AKIRIN2: variants seen among roughly 807,000 people sequenced by gnomAD.
The protein encoded by AKIRIN2 is akirin 2, also known as akirin-2.
In AKIRIN2, 6 loss-of-function variants were observed where a neutral mutation model predicts 29.3. The observed-to-expected ratio is 0.20, with a 90% CI of 0.11 to 0.40. The LOEUF (loss-of-function observed/expected upper bound fraction) is 0.40, where lower values mean the gene tolerates loss of function less well. AKIRIN2 is among the 10% of genes least tolerant of loss of function. The probability of loss-of-function intolerance (pLI) is 1.00; values close to 1 mark genes in which losing one functional copy is unlikely to be tolerated. For missense variants in AKIRIN2, 210 were observed against 276.1 expected (o/e 0.76, Z 1.70); for synonymous variants, 128 against 117.5 (o/e 1.09, Z -0.58).
rs185954784 is a variant in AKIRIN2, at chr6:87,675,315, T to G, written c.*282A>C. 2,363 of 484,168 alleles carry G rather than the reference T, an allele frequency of 4.9e-3. 6 individuals carry two copies. Among genetic ancestry groups the G allele is most frequent in the Non-Finnish European group, 6.9e-3 (1,875 of 270,366 alleles). 30.0% of individuals were successfully genotyped at this position (484,168 alleles called of 1,614,324 possible). A position where few individuals can be genotyped will look rare whatever the true frequency, so the allele number is the denominator to read the frequency against. ...AGGGCATGTTCTAGAATACCAGCTT[T>G]AATCCTTTTCAAACATTAATATAAG... is the stretch of plus-strand genomic sequence containing the variant. On this transcript the variant is annotated 3_prime_UTR_variant, in exon 5 of 5. Transcript: ENST00000257787.
At chr6:87,677,230 T>A (rs1771029727) in intron 3 of AKIRIN2, among the ~76,000 whole-genome samples, 1 of 152,162 alleles carries the variant, frequency 6.6e-6, no homozygotes, top group Non-Finnish European at 1.5e-5. Flanking sequence ...TAAAACCTGA[T>A]CAAGTATCAC....
chr6:87,692,080 G>T (rs1263265046), intron 1 of AKIRIN2, among the ~76,000 whole-genome samples: 1 of 152,194 alleles, frequency 6.6e-6, no homozygotes. Flanking sequence ...TATATACAGT[G>T]CTTTAATAAT....
rs560477050 is a variant in AKIRIN2, at chr6:87,689,193, G to A, written c.236-7430C>T. 1.4e-4 allele frequency among the ~76,000 whole-genome samples: 21 copies of A among 152,116 alleles called. No homozygotes were observed. The East Asian group carries it at 2.5e-3, about 18-fold the overall frequency. On this transcript the variant is annotated intron_variant, in intron 1 of 4. Coordinates refer to ENST00000257787, the MANE Select transcript of AKIRIN2 (RefSeq NM_018064.4). ...CAATCTCCTATAACAACTTGTTCAGGCACCCCCCAAAAAATTAGCATACCC... is the reference window on the plus strand; with the variant it reads ...CAATCTCCTATAACAACTTGTTCAGACACCCCCCAAAAAATTAGCATACCC...
intron 2 of AKIRIN2, 91 bp downstream of exon 2, chr6:87,681,529 G>A (rs1771122667): frequency 3.9e-6 from 5 of 1,274,672 alleles, no homozygotes; most frequent in South Asian, 1.5e-5. Flanking sequence ...ACTCAGAGGA[G>A]ATACAGTAGC....
chr6:87,697,836 T>A (rs978551927), intron 1 of AKIRIN2, among the ~76,000 whole-genome samples: 9 of 152,220 alleles, frequency 5.9e-5, no homozygotes, highest in Admixed American at 5.9e-4. Flanking sequence ...TAAGGCAGAT[T>A]AATGGTACCA....
intron 1 of AKIRIN2, among the ~76,000 whole-genome samples, chr6:87,692,172 T>C (rs1771286597): frequency 6.6e-6 from 1 of 152,198 alleles, no homozygotes. Flanking sequence ...AAAACTGTGA[T>C]TTGATGGCAA....
At chr6:87,682,917 C>T (rs759222789) in intron 1 of AKIRIN2, among the ~76,000 whole-genome samples, 2 of 151,962 alleles carry the variant, frequency 1.3e-5, no homozygotes, top group Non-Finnish European at 1.5e-5. Context: ...ATAGAGGGAC[C>T]GTGTCTTTAT....
chr6:87,691,738 G>A (rs2128302351), intron 1 of AKIRIN2, among the ~76,000 whole-genome samples: 1 of 152,348 alleles, frequency 6.6e-6, no homozygotes, highest in East Asian at 1.9e-4. Context: ...GTGCCAGCAG[G>A]CAGAATGCTG....
Position 87,687,439 on chromosome 6 carries a change from CA to C in AKIRIN2, c.236-5677del, listed in dbSNP as rs201472497. ...GGGCAACAAGAGCAAAATTCCGTTTCAAAAAAAAAAAAAAAAACACACTACT... is the reference window on the plus strand; with the variant it reads ...GGGCAACAAGAGCAAAATTCCGTTTCAAAAAAAAAAAAAAAACACACTACT... On this transcript the variant is annotated intron_variant, in intron 1 of 4. Transcript: ENST00000257787. Among the ~76,000 whole-genome samples the C allele has an allele frequency of 3.6e-3, 398 of 109,122 alleles. 7 individuals are homozygous for C. The highest frequency in any genetic ancestry group is 0.035 in the South Asian group (114 of 3,218). The allele number at this position is 109,122 out of a possible 152,430, so 71.6% of individuals were successfully genotyped here. A position where few individuals can be genotyped will look rare whatever the true frequency, so the allele number is the denominator to read the frequency against.
Position 87,675,535 on chromosome 6 carries a change from T to C in AKIRIN2, c.*62A>G, listed in dbSNP as rs1157568418. On this transcript the variant is annotated 3_prime_UTR_variant, in exon 5 of 5. Transcript: ENST00000257787. Reference sequence around the variant, plus strand: ...GTATTGGCATTGCTGCATGTCATAATTGGGACCTCTTGCAACAACTCAACA... The same window carrying C: ...GTATTGGCATTGCTGCATGTCATAACTGGGACCTCTTGCAACAACTCAACA... 2.5e-6 allele frequency: 4 copies of C among 1,596,378 alleles called. No homozygotes were observed. The highest frequency in any genetic ancestry group is 1.1e-5 in the South Asian group (1 of 90,622).
At chr6:87,693,070 A>C (rs1771300713) in intron 1 of AKIRIN2, among the ~76,000 whole-genome samples, 1 of 151,956 alleles carries the variant, frequency 6.6e-6, no homozygotes, top group Non-Finnish European at 1.5e-5. Context: ...TCTACTAAAA[A>C]TACAAAAAAG....
chr6:87,678,634 G>C (rs1193346490), intron 2 of AKIRIN2, among the ~76,000 whole-genome samples: 1 of 152,100 alleles, frequency 6.6e-6, no homozygotes, highest in Non-Finnish European at 1.5e-5. Flanking sequence ...GTATTTTAGT[G>C]ACTAAATTAC....
At chr6:87,686,972 G>A (rs1387241543) in intron 1 of AKIRIN2, among the ~76,000 whole-genome samples, 2 of 150,224 alleles carry the variant, frequency 1.3e-5, no homozygotes, top group Non-Finnish European at 3.0e-5. Context: ...CTTGAACACG[G>A]GAGGTGAAGG....
chr6:87,681,527 G>GAGATACAGTAGCTT, intron 2 of AKIRIN2, 93 bp downstream of exon 2: 1 of 1,238,976 alleles, frequency 8.1e-7, no homozygotes, highest in Non-Finnish European at 1.1e-6. Flanking sequence ...AAACTCAGAG[G>GAGATACAGTAGCTT]AGATACAGTA....
chr6:87,691,194 G>C (rs761318537), intron 1 of AKIRIN2, among the ~76,000 whole-genome samples: 1 of 151,798 alleles, frequency 6.6e-6, no homozygotes, highest in South Asian at 2.1e-4. Context: ...CTATAATCCC[G>C]GCACTCTGGA....
intron 1 of AKIRIN2, among the ~76,000 whole-genome samples, chr6:87,698,928 A>G (rs913115442): frequency 6.6e-6 from 1 of 152,224 alleles, no homozygotes; most frequent in Non-Finnish European, 1.5e-5. Flanking sequence ...TATCTAGAGG[A>G]GAACAATGAT....
At chr6:87,689,362 GGCAAGGTGGT>G (rs935863063) in intron 1 of AKIRIN2, among the ~76,000 whole-genome samples, 4 of 152,236 alleles carry the variant, frequency 2.6e-5, no homozygotes, top group African/African-American at 7.2e-5. Context: ...AAATTAGCCA[GGCAAGGTGGT>G]GCATGCCTGT....
chr6:87,693,851 C>T (rs1771318377), intron 1 of AKIRIN2, among the ~76,000 whole-genome samples: 1 of 152,052 alleles, frequency 6.6e-6, no homozygotes, highest in African/African-American at 2.4e-5. Flanking sequence ...GAAAGATTGT[C>T]ACAGTGAACA....
At chr6:87,684,217 C>A (rs997738965) in intron 1 of AKIRIN2, among the ~76,000 whole-genome samples, 6 of 152,058 alleles carry the variant, frequency 3.9e-5, no homozygotes, top group African/African-American at 1.4e-4. Flanking sequence ...CTAAAATGTA[C>A]CAAAAGAATG....
Sources: allele counts gnomAD v4.1 joint callset (sites outside exome capture counted in the v4.1 genomes callset), GRCh38; gene constraint gnomAD v4.1.1; transcripts MANE v1.5; gene names NCBI Gene and HGNC (gene_info 2026-07-23, HGNC 2026-07-21).